Variants in CPLX2 observed in about 807,000 individuals in gnomAD.
The protein encoded by CPLX2 is complexin-2.
CPLX2 carries 5 observed loss-of-function variants against 16.3 expected under a neutral mutation model. The observed-to-expected ratio is 0.31, with a 90% CI of 0.16 to 0.64. The LOEUF is 0.64. Ranked by LOEUF, CPLX2 falls within the 30% of genes least tolerant of loss-of-function variation. CPLX2 has a pLI of 0.79. For synonymous variants in CPLX2, 89 were observed against 73.2 expected (o/e 1.22, Z -1.10); for missense variants, 144 against 181.4 (o/e 0.79, Z 1.18).
intron 2 of CPLX2, among the ~76,000 whole-genome samples, chr5:175,827,097 C>T (rs1435473756): frequency 1.3e-5 from 2 of 152,178 alleles, no homozygotes; most frequent in African/African-American, 4.8e-5. Context: ...CAGGAGACTC[C>T]AACAGCCCCA....
At chr5:175,827,549 G>A (rs1451444316) in intron 2 of CPLX2, among the ~76,000 whole-genome samples, 2 of 152,188 alleles carry the variant, frequency 1.3e-5, no homozygotes, top group African/African-American at 4.8e-5. Context: ...GAGGTCAGGA[G>A]TTCGAGACCA....
chr5:175,839,662 G>A (rs1758912729), intron 2 of CPLX2, among the ~76,000 whole-genome samples: 1 of 152,174 alleles, frequency 6.6e-6, no homozygotes, highest in South Asian at 2.1e-4. Flanking sequence ...TTTTGGGAAT[G>A]TACAACATAC....
At chr5:175,834,703 T>C (rs1219524466) in intron 2 of CPLX2, among the ~76,000 whole-genome samples, 1 of 152,036 alleles carries the variant, frequency 6.6e-6, no homozygotes, top group Non-Finnish European at 1.5e-5. Context: ...TGAAACCTGG[T>C]CTCTACTAAA....
rs1434075120 is a variant in CPLX2 at position 175,839,015 on chromosome 5, C to T, written c.-89+29947C>T. ...TCTGACCAGAGAACACAAGGAAGGT[C>T]GTCCTGGCAACAAACCCAGTGTAAT... is the stretch of plus-strand genomic sequence containing the variant. On this transcript the variant is annotated intron_variant, in intron 2 of 4. Transcript: ENST00000359546. Among the ~76,000 whole-genome samples, 8 of 152,112 alleles carry T rather than the reference C, an allele frequency of 5.3e-5. 1 individual carries two copies. Among genetic ancestry groups the T allele is most frequent in the Admixed American group, 1.3e-4 (2 of 15,264 alleles).
intron 2 of CPLX2, among the ~76,000 whole-genome samples, chr5:175,850,466 A>G (rs1759130708): frequency 6.6e-6 from 1 of 152,200 alleles, no homozygotes; most frequent in African/African-American, 2.4e-5. Context: ...GACCCTGACC[A>G]CTAAGGTCAA....
chr5:175,860,045 C>T (rs1276788853), intron 2 of CPLX2, among the ~76,000 whole-genome samples: 1 of 152,238 alleles, frequency 6.6e-6, no homozygotes, highest in Non-Finnish European at 1.5e-5. Flanking sequence ...GGCCCTCACA[C>T]ACTGTCATCA....
At chr5:175,811,014 A>C (rs1441673465) in intron 2 of CPLX2, among the ~76,000 whole-genome samples, 1 of 152,234 alleles carries the variant, frequency 6.6e-6, no homozygotes, top group Non-Finnish European at 1.5e-5. Context: ...CTTTGGAATG[A>C]GGGCCAAGTT....
chr5:175,871,757 G>C (rs1301933729), intron 1 of CPLX2, 52 bp downstream of exon 1: 1 of 152,494 alleles, frequency 6.6e-6, no homozygotes, highest in Non-Finnish European at 1.5e-5. Flanking sequence ...GGGCAACAGG[G>C]TCCCGGCTCT....
At chr5:175,817,001 G>A (rs1275871591) in intron 2 of CPLX2, among the ~76,000 whole-genome samples, 1 of 152,250 alleles carries the variant, frequency 6.6e-6, no homozygotes, top group East Asian at 1.9e-4. Flanking sequence ...GGTGACCCAA[G>A]AGCGACTGCA....
chr5:175,821,452 G>C (rs989974526), intron 2 of CPLX2, among the ~76,000 whole-genome samples: 2 of 151,974 alleles, frequency 1.3e-5, no homozygotes, highest in Non-Finnish European at 2.9e-5. Flanking sequence ...TCGTCACCCA[G>C]GCTGGAGTGC....
chr5:175,823,289 A>C (rs376122488), intron 2 of CPLX2, among the ~76,000 whole-genome samples: 11 of 152,186 alleles, frequency 7.2e-5, no homozygotes, highest in African/African-American at 2.2e-4. Flanking sequence ...GGATGGATGG[A>C]TGGATGGATG....
At chr5:175,797,881 G>C (rs1194388387) in intron 1 of CPLX2, among the ~76,000 whole-genome samples, 2 of 152,226 alleles carry the variant, frequency 1.3e-5, no homozygotes, top group African/African-American at 4.8e-5. Context: ...AGGGAAGCCA[G>C]TTCCGCGGCA....
At chr5:175,875,133 A>C (rs954639245) in intron 1 of CPLX2, among the ~76,000 whole-genome samples, 1 of 152,102 alleles carries the variant, frequency 6.6e-6, no homozygotes, top group African/African-American at 2.4e-5. Context: ...TCTCACAGAG[A>C]GGTAGGGCTT....
At chr5:175,839,379 A>G (rs1392402412) in intron 2 of CPLX2, among the ~76,000 whole-genome samples, 2 of 152,032 alleles carry the variant, frequency 1.3e-5, no homozygotes, top group African/African-American at 2.4e-5. Context: ...TCCGTCTCCC[A>G]GGTTCAAGCG....
At chr5:175,825,373 A>G (rs541585967) in intron 2 of CPLX2, among the ~76,000 whole-genome samples, 1 of 151,690 alleles carries the variant, frequency 6.6e-6, no homozygotes, top group South Asian at 2.1e-4. Context: ...CTGGCGACAG[A>G]GCGAGACTCT....
chr5:175,821,376 T>C (rs1205645852), intron 2 of CPLX2, among the ~76,000 whole-genome samples: 5 of 152,102 alleles, frequency 3.3e-5, no homozygotes, highest in Non-Finnish European at 7.4e-5. Flanking sequence ...CCTGTTACTC[T>C]CCTTCTCCTA....
At chr5:175,869,756 C>A (rs1247555403), upstream of CPLX2, among the ~76,000 whole-genome samples, 2 of 152,202 alleles carry the variant, frequency 1.3e-5, no homozygotes, top group African/African-American at 4.8e-5. Flanking sequence ...ACCAAACTAG[C>A]CCCTTCTCGA....
At chr5:175,878,416 T>G in intron 1 of CPLX2, 1 of 476,696 alleles carries the variant, frequency 2.1e-6, no homozygotes, top group East Asian at 3.7e-5. Flanking sequence ...AGGGTCAAGA[T>G]GAAGGCTTTA....
chr5:175,881,050 C>T lies in CPLX2; in HGVS notation c.*1005C>T, dbSNP rs1755580926. On this transcript the variant is annotated 3_prime_UTR_variant, in exon 4 of 4. Coordinates refer to ENST00000393745, the MANE Select transcript of CPLX2 (RefSeq NM_001008220.2). ...ACTTGACAGAAGGCGTCCATCCATT[C>T]ATCTCATTGGCCAAGGACAAACTCT... The T allele has an allele frequency of 1.3e-5, 2 of 153,020 alleles. No individual in the cohort carries two copies. Among genetic ancestry groups the T allele is most frequent in the African/African-American group, 4.8e-5 (2 of 41,456 alleles). 9.5% of individuals were successfully genotyped at this position (153,020 alleles called of 1,614,324 possible).
Sources: allele counts gnomAD v4.1 joint callset (sites outside exome capture counted in the v4.1 genomes callset), GRCh38; gene constraint gnomAD v4.1.1; transcripts MANE v1.5; gene names NCBI Gene and HGNC (gene_info 2026-07-23, HGNC 2026-07-21).